Variants in NECAB2 observed in about 807,000 individuals in gnomAD.
The protein encoded by NECAB2 is N-terminal EF-hand calcium binding protein 2, also known as N-terminal EF-hand calcium-binding protein 2.
A neutral mutation model predicts 51.9 loss-of-function variants in NECAB2; 68 were observed. The ratio of observed to expected loss-of-function variants is 1.31; its 90% CI spans 1.08 to 1.60. NECAB2 has a LOEUF of 1.60. NECAB2 is among the 40% of genes most tolerant of loss of function. NECAB2 has a pLI of 0.00. For missense variants in NECAB2, 854 were observed against 490.3 expected (o/e 1.74, Z -7.00); for synonymous variants, 329 against 203.5 (o/e 1.62, Z -5.25).
chr16:83,987,677 T>C (rs1031351442), intron 5 of NECAB2, among the ~76,000 whole-genome samples: 2 of 152,220 alleles, frequency 1.3e-5, no homozygotes, highest in African/African-American at 4.8e-5. Context: ...GTGTACTTAT[T>C]TTTCCTCTTT....
chr16:83,990,380 C>T (rs1043435544), intron 5 of NECAB2, 114 bp from the exon 6 acceptor site: 3 of 1,400,000 alleles, frequency 2.1e-6, no homozygotes, highest in African/African-American at 2.8e-5. Context: ...TCCTCCCTTC[C>T]CTTTGCAAAG....
rs116944098 is a variant in NECAB2 at position 83,996,435 on chromosome 16, C to T, written c.796-781C>T. Among the ~76,000 whole-genome samples the T allele has an allele frequency of 2.6e-3, 403 of 152,302 alleles. 4 individuals carry two copies. Among genetic ancestry groups the T allele is most frequent in the Non-Finnish European group, 2.4e-3 (160 of 68,034 alleles). On this transcript the variant is annotated intron_variant, in intron 8 of 12. Transcript: ENST00000305202. ...ACGGTGGTGACTACACAGACTCATC[C>T]ACCTGCTGCTGTTTTCCTTATTAGC...
intron 11 of NECAB2, 99 bp from the exon 12 acceptor site, chr16:84,001,721 ATTGAT>A (rs2084839959): frequency 8.0e-7 from 1 of 1,256,996 alleles, no homozygotes. Context: ...CCCCGTGCTT[ATTGAT>A]AAGCTCCCCA....
intron 10 of NECAB2, among the ~76,000 whole-genome samples, chr16:84,000,235 A>AACATGACATTTCAGCTGG (rs1323347130): frequency 6.6e-6 from 1 of 152,212 alleles, no homozygotes; most frequent in Non-Finnish European, 1.5e-5. Flanking sequence ...TTCACACTTT[A>AACATGACATTTCAGCTGG]ACATGACATT....
At chr16:83,965,838 C>G, upstream of NECAB2, 1 of 1,613,058 alleles carries the variant, frequency 6.2e-7, no homozygotes, top group South Asian at 1.1e-5. Context: ...CCGCTGAGCG[C>G]CAAGAGGAAC....
chr16:83,990,923 G>A (rs113534865), intron 6 of NECAB2, among the ~76,000 whole-genome samples: 3 of 152,108 alleles, frequency 2.0e-5, no homozygotes, highest in East Asian at 1.9e-4. Flanking sequence ...TTGTTTTGCT[G>A]CATCCACATG....
intron 1 of NECAB2, among the ~76,000 whole-genome samples, chr16:83,971,163 A>T (rs2084343304): frequency 6.6e-6 from 1 of 152,000 alleles, no homozygotes. Flanking sequence ...GTCTGACTCC[A>T]CTACAGTGCA....
chr16:83,982,308 G>A (rs945570875), intron 5 of NECAB2, among the ~76,000 whole-genome samples: 1 of 152,150 alleles, frequency 6.6e-6, no homozygotes, highest in African/African-American at 2.4e-5. Flanking sequence ...TTCCATTTCT[G>A]TCCCAGTATC....
rs142181195 is a variant in NECAB2, at chr16:84,002,510, C to T, written c.*164C>T. 28 of 881,390 alleles carry T rather than the reference C, an allele frequency of 3.2e-5. No individual in the cohort carries two copies. Among genetic ancestry groups the T allele is most frequent in the African/African-American group, 1.7e-4 (10 of 59,612 alleles). 54.6% of individuals were successfully genotyped at this position (881,390 alleles called of 1,614,324 possible). A position where few individuals can be genotyped will look rare whatever the true frequency, so the allele number is the denominator to read the frequency against. ...AAGTGAAGGAGGCCGCCCCTGCCCC[C>T]ACCTGAGAAGGCAGAGCAGTGTCTG... is the stretch of plus-strand genomic sequence containing the variant. On this transcript the variant is annotated 3_prime_UTR_variant, in exon 13 of 13. Transcript: ENST00000305202.
At chr16:83,984,707 G>A (rs1404656963) in intron 5 of NECAB2, among the ~76,000 whole-genome samples, 2 of 152,106 alleles carry the variant, frequency 1.3e-5, no homozygotes, top group Non-Finnish European at 2.9e-5. Flanking sequence ...CCCAACCTGG[G>A]TGACAAGAGA....
Position 83,994,655 on chromosome 16 carries a change from C to T in NECAB2, c.762C>T (p.Arg254=). The stretch of plus-strand genomic sequence containing the variant: ...AGGGTCTGGAAGCCCAGATCAGCCG[C>T]TTGGCAGAGCTGATTGGGAGGCTGG... ...KEEGLEAQIS[R]LAELIGRLES... The change falls in exon 8 of 13, where the codon CGC becomes CGT. Residue 254 remains arginine (R), a synonymous_variant. Transcript: ENST00000305202. The T allele has an allele frequency of 6.2e-7, 1 of 1,614,160 alleles. No homozygotes were observed. The highest frequency in any genetic ancestry group is 8.5e-7 in the Non-Finnish European group (1 of 1,180,032).
At chr16:83,986,668 A>G (rs1009758548) in intron 5 of NECAB2, among the ~76,000 whole-genome samples, 9 of 143,288 alleles carry the variant, frequency 6.3e-5, no homozygotes, top group Non-Finnish European at 1.3e-4. Flanking sequence ...GGGTGCCACC[A>G]CTCACGGCAA....
At chr16:83,996,581 C>G (rs578195517) in intron 8 of NECAB2, among the ~76,000 whole-genome samples, 5 of 150,780 alleles carry the variant, frequency 3.3e-5, no homozygotes, top group Non-Finnish European at 7.4e-5. Flanking sequence ...GAAGCAGCAG[C>G]ATGAGCCTGT....
intron 2 of NECAB2, among the ~76,000 whole-genome samples, chr16:83,978,029 C>T (rs1307997844): frequency 1.3e-5 from 2 of 152,196 alleles, no homozygotes; most frequent in African/African-American, 4.8e-5. Context: ...CACCTGCCTC[C>T]AGGTGGCCAT....
chr16:84,000,810 C>G lies in NECAB2; in HGVS notation c.1040+9C>G, dbSNP rs754402987. The stretch of plus-strand genomic sequence containing the variant: ...GAGGAGGCGTGGAAGAGGTGAGATG[C>G]TGGGTCCCCACAGCAGGTGAGGGAG... On this transcript the variant is annotated intron_variant, in intron 11 of 12. Coordinates refer to ENST00000305202, the MANE Select transcript of NECAB2 (RefSeq NM_019065.3). 3.1e-6 allele frequency: 5 copies of G among 1,613,008 alleles called. No homozygotes were observed. The African/African-American group carries it at 6.7e-5, about 22-fold the overall frequency.
At chr16:83,999,859 C>CTTTGATTTTTAAAGGTTTTTTGATTT in intron 10 of NECAB2, among the ~76,000 whole-genome samples, 1 of 150,870 alleles carries the variant, frequency 6.6e-6, no homozygotes, top group East Asian at 1.9e-4. Context: ...AGGGAAGATG[C>CTTTGATTTTTAAAGGTTTTTTGATTT]TTTGATTTTT....
At chr16:83,976,501 C>T (rs1162825826) in intron 2 of NECAB2, among the ~76,000 whole-genome samples, 3 of 152,212 alleles carry the variant, frequency 2.0e-5, no homozygotes, top group African/African-American at 7.2e-5. Flanking sequence ...TTGCCGAAGA[C>T]ACTCGGAAGG....
chr16:83,994,173 C>T, intron 6 of NECAB2, 129 bp from the exon 7 acceptor site: 1 of 820,578 alleles, frequency 1.2e-6, no homozygotes, highest in Non-Finnish European at 2.0e-6. Context: ...AAAACAAAGG[C>T]CATGATGCAA....
intron 6 of NECAB2, among the ~76,000 whole-genome samples, chr16:83,992,329 C>T (rs935362537): frequency 2.0e-5 from 3 of 151,238 alleles, no homozygotes; most frequent in Non-Finnish European, 4.4e-5. Context: ...AGAGGAGCGA[C>T]ATTCTCGTGG....
Sources: gnomAD v4.1 joint callset for allele counts (sites outside exome capture counted in the v4.1 genomes callset) on GRCh38, gnomAD v4.1.1 for gene constraint, MANE v1.5 for transcripts, NCBI Gene and HGNC (gene_info 2026-07-23, HGNC 2026-07-21) for gene names.